The following TAF4B variants were observed in gnomAD, a reference collection of about 807,000 sequenced individuals.
TAF4B encodes the protein transcription initiation factor TFIID subunit 4B.
A neutral mutation model predicts 86.4 loss-of-function variants in TAF4B; 38 were observed. The observed-to-expected ratio is 0.44, with a 90% CI of 0.34 to 0.58. The LOEUF is 0.58. Ranked by LOEUF, TAF4B falls within the 20% of genes least tolerant of loss-of-function variation. TAF4B has a pLI of 0.02. For synonymous variants in TAF4B, 388 were observed against 391.2 expected (o/e 0.99, Z 0.10); for missense variants, 988 against 1,027.6 (o/e 0.96, Z 0.53).
chr18:26,346,799 GTGTA>G lies in TAF4B; in HGVS notation c.2317-10889_2317-10886del, dbSNP rs1281062006. ...TGTGTGTGTATATATATATATATAT[GTGTA>G]TATATATATATATGTGTGTGTATAT... On this transcript the variant is annotated intron_variant, in intron 13 of 14. Coordinates refer to ENST00000269142, the MANE Select transcript of TAF4B (RefSeq NM_005640.3). Among the ~76,000 whole-genome samples, 8 of 14,868 alleles carry G rather than the reference GTGTA, an allele frequency of 5.4e-4. 1 individual carries two copies. The highest frequency in any genetic ancestry group is 7.9e-4 in the African/African-American group (6 of 7,548). The allele number at this position is 14,868 out of a possible 152,430, so 9.8% of individuals were successfully genotyped here. A position where few individuals can be genotyped will look rare whatever the true frequency, so the allele number is the denominator to read the frequency against.
chr18:26,365,002 C>CTTTTTTTTTTTTTT (rs1236686001), intron 14 of TAF4B, among the ~76,000 whole-genome samples: 1 of 109,244 alleles, frequency 9.2e-6, no homozygotes, highest in Non-Finnish European at 1.8e-5. Flanking sequence ...TAATTCTATT[C>CTTTTTTTTTTTTTT]TTTTTTTTTT....
chr18:26,387,912 A>G (rs1978473034), intron 14 of TAF4B, among the ~76,000 whole-genome samples: 1 of 152,212 alleles, frequency 6.6e-6, no homozygotes, highest in Non-Finnish European at 1.5e-5. Context: ...TGCTGTGAAC[A>G]TGCATGGAAT....
intron 13 of TAF4B, among the ~76,000 whole-genome samples, chr18:26,340,379 C>T (rs1215310384): frequency 6.6e-6 from 1 of 152,152 alleles, no homozygotes; most frequent in African/African-American, 2.4e-5. Context: ...GGCCAAAACT[C>T]ATGGAGTACT....
chr18:26,353,096 T>G (rs1473866822), intron 13 of TAF4B, among the ~76,000 whole-genome samples: 2 of 152,110 alleles, frequency 1.3e-5, no homozygotes, highest in African/African-American at 4.8e-5. Context: ...GCCCTAATAG[T>G]TAAACCCACA....
At chr18:26,237,567 G>C (rs1030409674) in intron 1 of TAF4B, among the ~76,000 whole-genome samples, 1 of 152,168 alleles carries the variant, frequency 6.6e-6, no homozygotes, top group Non-Finnish European at 1.5e-5. Context: ...ATCATTAATA[G>C]GAAGGGGAGC....
At chr18:26,283,915 G>A (rs973893789) in intron 6 of TAF4B, among the ~76,000 whole-genome samples, 2 of 152,142 alleles carry the variant, frequency 1.3e-5, no homozygotes, top group East Asian at 3.8e-4. Context: ...TTAGTTGGAC[G>A]TGGTGGCGCA....
chr18:26,281,419 T>C (rs1214541899), intron 5 of TAF4B, among the ~76,000 whole-genome samples: 1 of 152,210 alleles, frequency 6.6e-6, no homozygotes, highest in Non-Finnish European at 1.5e-5. Context: ...TTTTTAAAAC[T>C]ATATTTTATA....
intron 1 of TAF4B, among the ~76,000 whole-genome samples, chr18:26,234,222 G>A (rs1323874283): frequency 6.6e-6 from 1 of 152,232 alleles, no homozygotes; most frequent in Non-Finnish European, 1.5e-5. Context: ...GGGAGATTCT[G>A]CCTGGCAGCA....
chr18:26,328,322 G>A (rs1428061618), intron 12 of TAF4B, among the ~76,000 whole-genome samples: 1 of 151,916 alleles, frequency 6.6e-6, no homozygotes, highest in Admixed American at 6.5e-5. Context: ...GGTGGTGCAC[G>A]CCTGTAGTCT....
At chr18:26,314,108 C>T (rs2144662351) in intron 9 of TAF4B, among the ~76,000 whole-genome samples, 1 of 152,172 alleles carries the variant, frequency 6.6e-6, no homozygotes, top group South Asian at 2.1e-4. Context: ...TTTCCTTTTT[C>T]TGTGCACAGA....
intron 11 of TAF4B, among the ~76,000 whole-genome samples, chr18:26,322,177 T>A (rs1027462795): frequency 5.9e-5 from 9 of 152,174 alleles, no homozygotes; most frequent in Non-Finnish European, 1.3e-4. Flanking sequence ...GGAAGAATGG[T>A]CATTGCCGTG....
intron 9 of TAF4B, chr18:26,295,074 TAATATATATATTA>T (rs1226996348): frequency 6.1e-6 from 1 of 163,380 alleles, no homozygotes; most frequent in Non-Finnish European, 1.3e-5. Context: ...TAAATATATA[TAATATATATATTA>T]AATATATATA....
At chr18:26,240,574 C>G (rs1011983716) in intron 1 of TAF4B, among the ~76,000 whole-genome samples, 4 of 152,040 alleles carry the variant, frequency 2.6e-5, no homozygotes, top group Non-Finnish European at 5.9e-5. Flanking sequence ...AATACCCTTT[C>G]TTTCTTTCTC....
chr18:26,377,103 A>T (rs2144365647), intron 14 of TAF4B, among the ~76,000 whole-genome samples: 1 of 152,162 alleles, frequency 6.6e-6, no homozygotes, highest in South Asian at 2.1e-4. Context: ...AGAGTTTTGC[A>T]TCCATGTTCA....
At chr18:26,350,352 CA>C (rs1298489021) in intron 13 of TAF4B, among the ~76,000 whole-genome samples, 17 of 152,242 alleles carry the variant, frequency 1.1e-4, no homozygotes, top group Middle Eastern at 3.4e-3. Flanking sequence ...GGCATCTCAA[CA>C]GCAAAAAAAT....
chr18:26,266,974 A>G (rs1485116869), intron 2 of TAF4B: 2 of 152,226 alleles, frequency 1.3e-5, no homozygotes, highest in Non-Finnish European at 2.9e-5. Context: ...AATCAGGCTC[A>G]TTGTAATGAC....
At chr18:26,283,888 T>TA (rs1049613569) in intron 6 of TAF4B, among the ~76,000 whole-genome samples, 92 of 151,706 alleles carry the variant, frequency 6.1e-4, no homozygotes, top group African/African-American at 2.2e-3. Context: ...CTGACTCTAC[T>TA]AAAAAAAATA....
intron 6 of TAF4B, among the ~76,000 whole-genome samples, chr18:26,285,222 G>GTTTTTGTTTTTGTTTTTTTTTGT: frequency 4.4e-5 from 2 of 45,658 alleles, no homozygotes; most frequent in South Asian, 1.4e-3. Context: ...TTTTTTTTTT[G>GTTTTTGTTTTTGTTTTTTTTTGT]TTTTTTTTTT....
rs758029514 is a variant in TAF4B at position 26,267,557 on chromosome 18, T to C, written c.531T>C (p.Pro177=). Residue 177 remains proline, a synonymous_variant, in exon 3 of 15, where the codon CCT becomes CCC. Coordinates refer to ENST00000269142, the MANE Select transcript of TAF4B (RefSeq NM_005640.3). ...SQLIKKVAVT[P]VKKLAQIGTT... ...TAATCAAGAAAGTGGCAGTGACACC[T>C]GTTAAAAAATTGGCACAAATAGGAA... is the stretch of plus-strand genomic sequence containing the variant. The C allele has an allele frequency of 6.2e-7, 1 of 1,614,212 alleles. No homozygotes were observed. Among genetic ancestry groups the C allele is most frequent in the Non-Finnish European group, 8.5e-7 (1 of 1,180,020 alleles).
Sources: gnomAD v4.1 joint callset for allele counts (sites outside exome capture counted in the v4.1 genomes callset) on GRCh38, gnomAD v4.1.1 for gene constraint, MANE v1.5 for transcripts, NCBI Gene and HGNC (gene_info 2026-07-23, HGNC 2026-07-21) for gene names.